ITPR1: variants seen among roughly 807,000 people sequenced by gnomAD.
ITPR1 encodes the protein inositol 1,4,5-trisphosphate receptor type 1, also known as inositol 1,4,5-trisphosphate-gated calcium channel ITPR1.
In ITPR1, 96 loss-of-function variants were observed where a neutral mutation model predicts 318.4. The ratio of observed to expected loss-of-function variants is 0.30; its 90% CI spans 0.26 to 0.36. ITPR1 has a LOEUF of 0.36. ITPR1 is among the 10% of genes least tolerant of loss of function. ITPR1 has a pLI of 1.00. For missense variants in ITPR1, 2,440 were observed against 3,460.2 expected (o/e 0.71, Z 7.40); for synonymous variants, 1,312 against 1,289.9 (o/e 1.02, Z -0.37).
At chr3:4,704,151 G>A (rs2094710218) in intron 36 of ITPR1, among the ~76,000 whole-genome samples, 1 of 152,194 alleles carries the variant, frequency 6.6e-6, no homozygotes, top group Non-Finnish European at 1.5e-5. Flanking sequence ...AGTGGCTCAT[G>A]CCTGTAATCC....
intron 52 of ITPR1, among the ~76,000 whole-genome samples, chr3:4,791,282 G>A (rs1048238034): frequency 3.9e-5 from 6 of 152,178 alleles, no homozygotes; most frequent in Admixed American, 1.3e-4. Flanking sequence ...GTGCTGTAAG[G>A]CAGCGGTCCC....
chr3:4,623,696 T>A (rs2092721637), intron 4 of ITPR1, among the ~76,000 whole-genome samples: 1 of 152,226 alleles, frequency 6.6e-6, no homozygotes, highest in South Asian at 2.1e-4. Context: ...AATTGCAAAA[T>A]TTTGGAAGGT....
intron 46 of ITPR1, among the ~76,000 whole-genome samples, chr3:4,772,824 T>C (rs1336587268): frequency 6.6e-6 from 1 of 152,108 alleles, no homozygotes; most frequent in East Asian, 1.9e-4. Flanking sequence ...AGGAAATGGA[T>C]CTGAGTCTGG....
intron 4 of ITPR1, among the ~76,000 whole-genome samples, chr3:4,621,921 G>A (rs368089530): frequency 3.9e-5 from 6 of 152,222 alleles, no homozygotes; most frequent in East Asian, 1.9e-4. Context: ...TGTAGAAAGT[G>A]TTGCCTCCCC....
intron 6 of ITPR1, 146 bp from the exon 7 acceptor site, chr3:4,641,947 G>T: frequency 1.9e-6 from 1 of 533,284 alleles, no homozygotes; most frequent in Non-Finnish European, 3.2e-6. Context: ...ATCATCTGCA[G>T]CCGTAGGCAC....
intron 44 of ITPR1, among the ~76,000 whole-genome samples, chr3:4,737,254 C>T (rs986616072): frequency 6.6e-6 from 1 of 152,156 alleles, no homozygotes; most frequent in Non-Finnish European, 1.5e-5. Flanking sequence ...TGGATGTGCA[C>T]ATACGATGCT....
intron 18 of ITPR1, among the ~76,000 whole-genome samples, chr3:4,668,860 C>A (rs372984640): frequency 9.2e-5 from 14 of 152,198 alleles, no homozygotes; most frequent in African/African-American, 2.7e-4. Flanking sequence ...GTTGGTTGAG[C>A]GTTTTTATTA....
chr3:4,772,630 C>G (rs1316127070), intron 46 of ITPR1, among the ~76,000 whole-genome samples: 1 of 152,230 alleles, frequency 6.6e-6, no homozygotes, highest in African/African-American at 2.4e-5. Context: ...TGAAGTCTTC[C>G]ATTTCCTTAA....
chr3:4,798,839 C>T (rs1483847165), intron 53 of ITPR1, among the ~76,000 whole-genome samples: 1 of 152,186 alleles, frequency 6.6e-6, no homozygotes, highest in Non-Finnish European at 1.5e-5. Context: ...AAAGGACTAC[C>T]TGATAGGATT....
Position 4,650,644 on chromosome 3 carries a change from TGC to T in ITPR1, c.856-1473_856-1472del, listed in dbSNP as rs57689430. Among the ~76,000 whole-genome samples, 134 of 26,542 alleles carry T rather than the reference TGC, an allele frequency of 5.0e-3. 1 individual carries two copies. The highest frequency in any genetic ancestry group is 0.016 in the Non-Finnish European group (109 of 6,882). 17.4% of individuals were successfully genotyped at this position (26,542 alleles called of 152,430 possible). On this transcript the variant is annotated intron_variant, in intron 10 of 61. Transcript: ENST00000649015. ...GTGTGTGTGTGTGTGTGTGTGTGTGTGCGCGCGTCTGTCTGTGTCTGTGTGTT... is the reference window on the plus strand; with the variant it reads ...GTGTGTGTGTGTGTGTGTGTGTGTGTGCGCGTCTGTCTGTGTCTGTGTGTT...
intron 4 of ITPR1, among the ~76,000 whole-genome samples, chr3:4,620,295 C>G (rs1056647373): frequency 6.6e-6 from 1 of 152,164 alleles, no homozygotes; most frequent in Non-Finnish European, 1.5e-5. Flanking sequence ...AGCTGCAGAG[C>G]CTCAATGGTC....
chr3:4,738,993 G>A lies in ITPR1; in HGVS notation c.5544+3639G>A, dbSNP rs765530811. 1.1e-4 allele frequency among the ~76,000 whole-genome samples: 16 copies of A among 152,340 alleles called. No homozygotes were observed. In the East Asian group the frequency reaches 2.9e-3, roughly 28 times the overall value. On this transcript the variant is annotated intron_variant, in intron 44 of 61. Transcript: ENST00000649015. Reference sequence around the variant, plus strand: ...CTAACCCAGTGTCTCACAGGAGGCCGATGGTTCCAGGAAAATGCCTTCTAG... The same window carrying A: ...CTAACCCAGTGTCTCACAGGAGGCCAATGGTTCCAGGAAAATGCCTTCTAG...
intron 61 of ITPR1, among the ~76,000 whole-genome samples, chr3:4,837,646 T>A (rs1469975045): frequency 2.6e-5 from 4 of 152,034 alleles, no homozygotes; most frequent in Admixed American, 2.6e-4. Context: ...ACAGGCAGTT[T>A]CCAATTTAAA....
At chr3:4,589,834 G>T (rs145869328) in intron 4 of ITPR1, among the ~76,000 whole-genome samples, 1 of 152,114 alleles carries the variant, frequency 6.6e-6, no homozygotes, top group Admixed American at 6.5e-5. Flanking sequence ...AATTGGATCA[G>T]AATCTCTGGG....
intron 57 of ITPR1, among the ~76,000 whole-genome samples, chr3:4,813,696 A>G (rs1042598939): frequency 1.3e-5 from 2 of 152,236 alleles, no homozygotes; most frequent in Non-Finnish European, 2.9e-5. Flanking sequence ...GGTAAAAAGA[A>G]AAAAACAGCA....
intron 53 of ITPR1, among the ~76,000 whole-genome samples, chr3:4,796,988 C>T (rs1428204786): frequency 6.6e-6 from 1 of 152,092 alleles, no homozygotes; most frequent in Non-Finnish European, 1.5e-5. Context: ...GTATGACTAT[C>T]GAGGGTCCTT....
At chr3:4,648,552 G>A (rs988384156) in intron 10 of ITPR1, among the ~76,000 whole-genome samples, 8 of 152,178 alleles carry the variant, frequency 5.3e-5, no homozygotes, top group Admixed American at 5.2e-4. Flanking sequence ...GCTCATGCCT[G>A]TAATCCCAGC....
chr3:4,647,119 G>A (rs1199873559), intron 10 of ITPR1, among the ~76,000 whole-genome samples: 1 of 151,838 alleles, frequency 6.6e-6, no homozygotes, highest in African/African-American at 2.4e-5. Flanking sequence ...GCCTGTTCTT[G>A]AACTTTGTAT....
At chr3:4,778,805 G>A in intron 48 of ITPR1, among the ~76,000 whole-genome samples, 1 of 152,076 alleles carries the variant, frequency 6.6e-6, no homozygotes. Flanking sequence ...ACCTAAACTA[G>A]GGGAAGAAAT....
Sources: gnomAD v4.1 joint callset for allele counts (sites outside exome capture counted in the v4.1 genomes callset) on GRCh38, gnomAD v4.1.1 for gene constraint, MANE v1.5 for transcripts, NCBI Gene and HGNC (gene_info 2026-07-23, HGNC 2026-07-21) for gene names.